KLHL29: variants seen among roughly 807,000 people sequenced by gnomAD.
The protein encoded by KLHL29 is kelch-like protein 29.
Under a neutral mutation model 80.4 loss-of-function variants are expected in KLHL29, and 21 were observed. That is an observed-to-expected ratio of 0.26 (90% confidence interval 0.19 to 0.38). The LOEUF (loss-of-function observed/expected upper bound fraction) is 0.38, where lower values mean the gene tolerates loss of function less well. Among genes scored for constraint, KLHL29 ranks in the 10% least tolerant of loss-of-function variants. KLHL29 has a pLI of 1.00. For missense variants in KLHL29, 867 were observed against 1,223.9 expected, an observed-to-expected ratio of 0.71 and a Z score of 4.35; for synonymous variants, 511 against 526.8, an observed-to-expected ratio of 0.97 and a Z score of 0.41.
intron 5 of KLHL29, among the ~76,000 whole-genome samples, chr2:23,646,989 C>T (rs1020144681): frequency 6.6e-6 from 1 of 152,202 alleles, no homozygotes; most frequent in Admixed American, 6.5e-5. Context: ...GGTCCAGGGT[C>T]TAGAGAGTTC....
intron 5 of KLHL29, among the ~76,000 whole-genome samples, chr2:23,666,774 G>T (rs554973040): frequency 2.6e-5 from 4 of 152,254 alleles, no homozygotes; most frequent in Admixed American, 2.6e-4. Context: ...CAAGTGCTCA[G>T]CCACAGGCTG....
intron 3 of KLHL29, among the ~76,000 whole-genome samples, chr2:23,631,724 G>A (rs188776040): frequency 6.6e-5 from 10 of 152,294 alleles, no homozygotes; most frequent in African/African-American, 2.2e-4. Flanking sequence ...TGTCATTTGC[G>A]CTTCCCGGAG....
chr2:23,417,488 C>A (rs757685977), intron 1 of KLHL29, among the ~76,000 whole-genome samples: 8 of 152,190 alleles, frequency 5.3e-5, no homozygotes, highest in Non-Finnish European at 8.8e-5. Flanking sequence ...GCTTTAGGTA[C>A]CTTGTCTTGA....
At chr2:23,412,776 A>T (rs1248480517) in intron 1 of KLHL29, among the ~76,000 whole-genome samples, 1 of 152,156 alleles carries the variant, frequency 6.6e-6, no homozygotes. Context: ...GGTCCACGGG[A>T]TGCTATGAGG....
intron 3 of KLHL29, among the ~76,000 whole-genome samples, chr2:23,627,077 A>G (rs58694722): frequency 0.027 from 4,057 of 152,132 alleles, 189 homozygotes; most frequent in African/African-American, 0.093. Flanking sequence ...GGGGAAGGGA[A>G]GTATCTATCT....
intron 2 of KLHL29, among the ~76,000 whole-genome samples, chr2:23,489,385 G>A (rs937981202): frequency 1.3e-5 from 2 of 152,080 alleles, no homozygotes; most frequent in Admixed American, 6.5e-5. Flanking sequence ...TCCCTATTCC[G>A]GTGGCTCCTG....
intron 2 of KLHL29, among the ~76,000 whole-genome samples, chr2:23,546,759 G>C (rs1666988594): frequency 6.6e-6 from 1 of 152,194 alleles, no homozygotes; most frequent in South Asian, 2.1e-4. Flanking sequence ...GATGTGACCT[G>C]TGTTCCTTGG....
chr2:23,563,622 G>A (rs1667508870), intron 3 of KLHL29, among the ~76,000 whole-genome samples: 1 of 152,194 alleles, frequency 6.6e-6, no homozygotes, highest in Non-Finnish European at 1.5e-5. Flanking sequence ...TGGCTGTGGT[G>A]CTGGAAAGCC....
chr2:23,620,227 G>A (rs1427966627), intron 3 of KLHL29, among the ~76,000 whole-genome samples: 1 of 152,170 alleles, frequency 6.6e-6, no homozygotes, highest in Non-Finnish European at 1.5e-5. Context: ...GTGGTGAGAG[G>A]GGGCACCAGG....
At chr2:23,455,605 A>AT (rs397873479) in intron 1 of KLHL29, among the ~76,000 whole-genome samples, 27,259 of 105,868 alleles carry the variant, frequency 0.26, 4,386 homozygotes, top group South Asian at 0.36. Flanking sequence ...TGGTCTCCTG[A>AT]TTTTTTTTTT....
rs926293779 is a variant in KLHL29 at position 23,562,431 on chromosome 2, G to A, written c.235G>A (p.Glu79Lys). 14 of 1,537,226 alleles carry A rather than the reference G, an allele frequency of 9.1e-6. 1 individual carries two copies. Among genetic ancestry groups the A allele is most frequent in the Middle Eastern group, 1.7e-4 (1 of 5,932 alleles). Reference protein sequence around the residue: ...APAPCTTGSSEAITSLVASSA... With the variant: ...APAPCTTGSSKAITSLVASSA... ...TGCTCCCTGCACCACCGGCAGCAGC[G>A]AGGCCATCACCAGCCTCGTGGCCAG... The change falls in exon 3 of 14, where the codon GAG becomes AAG. Residue 79 changes from glutamate (E) to lysine (K), a missense_variant. Physicochemically the swap from Glu to Lys is moderately conservative, Grantham distance 56. This residue lies in a region of KLHL29 where 424 missense variants were observed against 456.9 expected (regional missense o/e 0.93). Transcript: ENST00000486442. The surrounding 1 kb of genome is among the most constrained non-coding windows in gnomAD (Gnocchi z 4.5).
At chr2:23,543,050 C>T (rs931964014) in intron 2 of KLHL29, among the ~76,000 whole-genome samples, 1 of 152,184 alleles carries the variant, frequency 6.6e-6, no homozygotes, top group African/African-American at 2.4e-5. Context: ...TGGGATGGGT[C>T]AGTGAGAAGC....
At chr2:23,704,020 A>C (rs1180322932) in intron 13 of KLHL29, among the ~76,000 whole-genome samples, 157 bp downstream of exon 13, 2 of 152,196 alleles carry the variant, frequency 1.3e-5, no homozygotes, top group Admixed American at 6.5e-5. Context: ...ATTAGCCCAG[A>C]CCAGTAGGGT....
chr2:23,653,940 G>A (rs1670160870), intron 5 of KLHL29, among the ~76,000 whole-genome samples: 1 of 152,158 alleles, frequency 6.6e-6, no homozygotes, highest in Admixed American at 6.5e-5. Context: ...GCTGAGGCGG[G>A]TAGATCACCT....
intron 3 of KLHL29, among the ~76,000 whole-genome samples, chr2:23,584,164 G>A (rs1162732333): frequency 2.0e-5 from 3 of 152,194 alleles, no homozygotes; most frequent in South Asian, 2.1e-4. Flanking sequence ...GGCTCCAGCC[G>A]GCCTCCCAGG....
chr2:23,526,937 A>G (rs1666343440), intron 2 of KLHL29, among the ~76,000 whole-genome samples: 1 of 152,184 alleles, frequency 6.6e-6, no homozygotes, highest in South Asian at 2.1e-4. Flanking sequence ...GCTCTGGGTA[A>G]CAGGGAGCCC....
intron 3 of KLHL29, among the ~76,000 whole-genome samples, chr2:23,585,079 C>T (rs1037012154): frequency 6.6e-6 from 1 of 152,170 alleles, no homozygotes; most frequent in Non-Finnish European, 1.5e-5. Context: ...AGACACAGAC[C>T]GTAGTACCAG....
intron 2 of KLHL29, among the ~76,000 whole-genome samples, chr2:23,514,010 C>A (rs147159558): frequency 6.6e-6 from 1 of 152,142 alleles, no homozygotes; most frequent in Non-Finnish European, 1.5e-5. Context: ...CTGCTTCAAA[C>A]GCAATAAATC....
intron 1 of KLHL29, among the ~76,000 whole-genome samples, chr2:23,460,008 G>A (rs909072464): frequency 1.3e-5 from 2 of 152,172 alleles, no homozygotes; most frequent in Non-Finnish European, 2.9e-5. Context: ...GGGTATCCTG[G>A]AGTCAAAATT....
Sources: gnomAD v4.1 joint callset for allele counts (sites outside exome capture counted in the v4.1 genomes callset) on GRCh38, gnomAD v4.1.1 for gene constraint, gnomAD v4.1.1 regional missense constraint, Gnocchi (gnomAD v3.1) non-coding constraint, MANE v1.5 for transcripts, NCBI Gene and HGNC (gene_info 2026-07-23, HGNC 2026-07-21) for gene names.